MMP28: variants seen among roughly 807,000 people sequenced by gnomAD.
The protein encoded by MMP28 is matrix metallopeptidase 28, also known as matrix metalloproteinase-28.
In MMP28, 55 loss-of-function variants were observed where a neutral mutation model predicts 60.5. That is an observed-to-expected ratio of 0.91 (90% CI 0.73 to 1.14). The LOEUF is 1.14. Among genes scored for constraint, MMP28 ranks in the 50% most tolerant of loss-of-function variants. MMP28 has a pLI of 0.00. For missense variants in MMP28, 686 were observed against 738.3 expected, an observed-to-expected ratio of 0.93 and a Z score of 0.82; for synonymous variants, 318 against 312.5, an observed-to-expected ratio of 1.02 and a Z score of -0.18.
chr17:35,782,112 C>T (rs1457727354), intron 1 of MMP28, among the ~76,000 whole-genome samples: 1 of 146,948 alleles, frequency 6.8e-6, no homozygotes, highest in South Asian at 2.1e-4. Flanking sequence ...TGTACAGTGG[C>T]GTGATCTTGG....
chr17:35,778,835 T>G, intron 3 of MMP28, 53 bp downstream of exon 3: 2 of 1,613,864 alleles, frequency 1.2e-6, no homozygotes, highest in South Asian at 2.2e-5. Context: ...TCCTAGCCAT[T>G]GGCTTCAAGA....
chr17:35,765,309 G>T (rs142257017), downstream of MMP28, among the ~76,000 whole-genome samples: 4 of 152,292 alleles, frequency 2.6e-5, no homozygotes, highest in East Asian at 7.7e-4. Flanking sequence ...GACCATTCTC[G>T]CCTGCCCTAG....
Position 35,770,097 on chromosome 17 carries a change from C to T in MMP28, c.820G>A (p.Asp274Asn), listed in dbSNP as rs756987596. The stretch of plus-strand genomic sequence containing the variant: ...AGGCTCTGCACGGCCAGCACGTCGT[C>T]CCAGCTGAGCAGCGCGTCGCGGCCC... The part of the protein sequence containing the change: ...RLGRDALLSW[D>N]DVLAVQSLYG... Residue 274 changes from aspartate (D) to asparagine (N), a missense_variant, in exon 5 of 8, where the codon GAC (aspartate) becomes AAC (asparagine). Physicochemically the swap from Asp to Asn is conservative, Grantham distance 23 (BLOSUM62 1). Transcript: ENST00000605424. The T allele has an allele frequency of 4.4e-6, 7 of 1,598,610 alleles. No homozygotes were observed. The highest frequency in any genetic ancestry group is 1.7e-5 in the Admixed American group (1 of 57,840).
At position 35,767,774 on chromosome 17, in the gene MMP28, A is replaced by G. The variant is rs1555603989; in HGVS notation, c.1146T>C (p.Asp382=). 3.8e-6 allele frequency: 6 copies of G among 1,570,528 alleles called. No homozygotes were observed. Among genetic ancestry groups the G allele is most frequent in the Non-Finnish European group, 3.5e-6 (4 of 1,158,162 alleles). Reference sequence around the variant, plus strand: ...TACCTTTGAAGAAGTAGAAATCTCCATCATTCAATGACACTGCCGCAGCCT... The same window carrying G: ...TACCTTTGAAGAAGTAGAAATCTCCGTCATTCAATGACACTGCCGCAGCCT... ...NIEAAAVSLN[D]GDFYFFKGGR... is the part of the protein sequence containing the mutation. The change falls in exon 7 of 8, where the codon GAT becomes GAC. Residue 382 remains aspartate (D), a synonymous_variant. Coordinates refer to ENST00000605424, the MANE Select transcript of MMP28 (RefSeq NM_024302.5).
intron 1 of MMP28, among the ~76,000 whole-genome samples, chr17:35,787,650 C>T (rs1199116183): frequency 6.6e-6 from 1 of 152,112 alleles, no homozygotes; most frequent in Non-Finnish European, 1.5e-5. Context: ...ACACCATGCC[C>T]GGCTAATTTC....
At chr17:35,764,040 A>T, downstream of MMP28, 1 of 1,548,336 alleles carries the variant, frequency 6.5e-7, no homozygotes, top group Non-Finnish European at 8.7e-7. Flanking sequence ...AAGGAAACGG[A>T]AGAGCTCCGG....
chr17:35,779,129 G>A, intron 2 of MMP28, 54 bp from the exon 3 acceptor site: 1 of 1,586,164 alleles, frequency 6.3e-7, no homozygotes, highest in Non-Finnish European at 8.6e-7. Flanking sequence ...GTGAGGGCAG[G>A]GAAGTCTGCC....
At chr17:35,768,169 T>C in intron 6 of MMP28, 61 bp downstream of exon 6, 1 of 1,532,464 alleles carries the variant, frequency 6.5e-7, no homozygotes. Flanking sequence ...ACTGCAGCTC[T>C]GGAGACACTA....
At chr17:35,792,579 GT>G (rs2086844699) in intron 1 of MMP28, among the ~76,000 whole-genome samples, 1 of 152,206 alleles carries the variant, frequency 6.6e-6, no homozygotes. Flanking sequence ...ACTTCACTAA[GT>G]TTTGGGGGTA....
chr17:35,787,751 A>C (rs1412316385), intron 1 of MMP28, among the ~76,000 whole-genome samples: 1 of 152,086 alleles, frequency 6.6e-6, no homozygotes, highest in Non-Finnish European at 1.5e-5. Flanking sequence ...GGCCTCCCAA[A>C]GTGCTGGGAT....
intron 1 of MMP28, among the ~76,000 whole-genome samples, chr17:35,783,921 G>A (rs1454552401): frequency 2.6e-5 from 4 of 152,100 alleles, no homozygotes; most frequent in East Asian, 1.9e-4. Context: ...CCCGGGACAC[G>A]AGCCAAGCAG....
chr17:35,764,656 C>A, downstream of MMP28: 2 of 1,532,874 alleles, frequency 1.3e-6, no homozygotes, highest in South Asian at 2.5e-5. Flanking sequence ...TCCATCATTT[C>A]CTGGCCCCAG....
intron 5 of MMP28, among the ~76,000 whole-genome samples, chr17:35,768,906 C>A (rs1001643728): frequency 6.6e-6 from 1 of 152,162 alleles, no homozygotes; most frequent in Non-Finnish European, 1.5e-5. Flanking sequence ...GACAGAGGAA[C>A]CTCCTGAGAT....
intron 1 of MMP28, among the ~76,000 whole-genome samples, chr17:35,790,966 G>T (rs1368625766): frequency 6.6e-6 from 1 of 150,564 alleles, no homozygotes; most frequent in African/African-American, 2.4e-5. Flanking sequence ...CTCGGCTCAA[G>T]CAATCCTCCA....
chr17:35,767,180 A>T, intron 7 of MMP28: 1 of 668,092 alleles, frequency 1.5e-6, no homozygotes, highest in Non-Finnish European at 2.7e-6. Context: ...TAATAATTCT[A>T]TGAGGGCAAG....
intron 4 of MMP28, among the ~76,000 whole-genome samples, chr17:35,771,938 G>A (rs373614839): frequency 6.6e-6 from 1 of 150,972 alleles, no homozygotes; most frequent in Non-Finnish European, 1.5e-5. Context: ...CTTCCACAGC[G>A]GCAGGTGACC....
At chr17:35,794,298 T>G (rs1200638340) in intron 1 of MMP28, among the ~76,000 whole-genome samples, 3 of 148,072 alleles carry the variant, frequency 2.0e-5, no homozygotes, top group Admixed American at 6.8e-5. Context: ...CAGGTTGCAG[T>G]GCAATGGCAG....
chr17:35,770,214 A>C lies in MMP28; in HGVS notation c.703T>G (p.Phe235Val). Residue 235 changes from phenylalanine (F) to valine (V), a missense_variant, in exon 5 of 8, where the codon TTC becomes GTC. Physicochemically the swap from Phe to Val is conservative, Grantham distance 50. Coordinates refer to ENST00000605424, the MANE Select transcript of MMP28 (RefSeq NM_024302.5). ...CCGATCTCGTGCGCCAGCACCACGA[A>C]CAGGTTGCGCCCGCGGCGGCGGCTC... ...SLSRRRGRNL[F>V]VVLAHEIGHT... 1 of 1,601,372 alleles carries C rather than the reference A, an allele frequency of 6.2e-7. No individual in the cohort carries two copies. The highest frequency in any genetic ancestry group is 8.5e-7 in the Non-Finnish European group (1 of 1,177,834).
chr17:35,784,467 C>T (rs1555610056), intron 1 of MMP28, among the ~76,000 whole-genome samples: 2 of 152,120 alleles, frequency 1.3e-5, no homozygotes, highest in African/African-American at 4.8e-5. Context: ...TCCAACTTCC[C>T]GGGTGAGGAG....
Sources: gnomAD v4.1 joint callset for allele counts (sites outside exome capture counted in the v4.1 genomes callset) on GRCh38, gnomAD v4.1.1 for gene constraint, MANE v1.5 for transcripts, NCBI Gene and HGNC (gene_info 2026-07-23, HGNC 2026-07-21) for gene names.